The following FRMPD1 variants were observed in gnomAD, a reference collection of about 807,000 sequenced individuals.
FRMPD1 encodes FERM and PDZ domain containing 1, also known as FERM and PDZ domain-containing protein 1.
Under a neutral mutation model 117.8 loss-of-function variants are expected in FRMPD1, and 76 were observed. The observed-to-expected ratio is 0.65, with a 90% CI of 0.54 to 0.78. The LOEUF is 0.78. Ranked by LOEUF, FRMPD1 falls within the 30% of genes least tolerant of loss-of-function variation. The pLI, the probability that FRMPD1 is intolerant of heterozygous loss-of-function variation, is 0.00. For synonymous variants in FRMPD1, 783 were observed against 770.4 expected, an observed-to-expected ratio of 1.02 and a Z score of -0.27; for missense variants, 1,786 against 1,964.5, an observed-to-expected ratio of 0.91 and a Z score of 1.72.
intron 1 of FRMPD1, among the ~76,000 whole-genome samples, chr9:37,679,663 T>G (rs1821653107): frequency 6.6e-6 from 1 of 152,226 alleles, no homozygotes; most frequent in Non-Finnish European, 1.5e-5. Flanking sequence ...AGCACAGTAT[T>G]TTCAAATTTT....
chr9:37,717,383 T>TA (rs1563946703), intron 5 of FRMPD1, among the ~76,000 whole-genome samples: 25 of 65,680 alleles, frequency 3.8e-4, no homozygotes, highest in South Asian at 3.2e-3. Context: ...ATATATATAT[T>TA]TTTTTTTTTT....
chr9:37,733,309 G>A (rs546576034), intron 10 of FRMPD1, among the ~76,000 whole-genome samples, 164 bp from the exon 11 acceptor site: 1 of 152,278 alleles, frequency 6.6e-6, no homozygotes, highest in East Asian at 1.9e-4. Flanking sequence ...TTTGTGGAGA[G>A]TGTGTGTATG....
chr9:37,674,203 A>G (rs1821447942), intron 1 of FRMPD1, among the ~76,000 whole-genome samples: 1 of 152,228 alleles, frequency 6.6e-6, no homozygotes, highest in Non-Finnish European at 1.5e-5. Context: ...TTCTTCTGCC[A>G]GATAACCTAG....
chr9:37,673,807 T>C (rs1233399805), intron 1 of FRMPD1, among the ~76,000 whole-genome samples: 1 of 152,276 alleles, frequency 6.6e-6, no homozygotes. Context: ...AAGCTGTACA[T>C]TGGCCCCTTT....
chr9:37,621,237 T>A, the FRMPD1 span, among the ~76,000 whole-genome samples: 1 of 151,886 alleles, frequency 6.6e-6, no homozygotes, highest in Non-Finnish European at 1.5e-5. Context: ...AATAGATGAG[T>A]GAATTGTAAC....
intron 2 of FRMPD1, among the ~76,000 whole-genome samples, chr9:37,703,031 T>C (rs1265621448): frequency 6.6e-6 from 1 of 152,198 alleles, no homozygotes; most frequent in Non-Finnish European, 1.5e-5. Flanking sequence ...TTACTAGGCA[T>C]GGGAGACATG....
chr9:37,713,586 T>G (rs779195708), intron 5 of FRMPD1, among the ~76,000 whole-genome samples: 56 of 145,888 alleles, frequency 3.8e-4, no homozygotes, highest in Middle Eastern at 3.4e-3. Flanking sequence ...TGAGACCGTA[T>G]ATATATATAT....
At chr9:37,728,805 A>G (rs974723664) in intron 7 of FRMPD1, among the ~76,000 whole-genome samples, 5 of 151,942 alleles carry the variant, frequency 3.3e-5, no homozygotes, top group African/African-American at 9.7e-5. Flanking sequence ...TCTACTAAAA[A>G]TACAAAAATT....
At chr9:37,685,593 G>A (rs62533886) in intron 1 of FRMPD1, among the ~76,000 whole-genome samples, 146 of 152,186 alleles carry the variant, frequency 9.6e-4, no homozygotes, top group East Asian at 4.1e-3. Flanking sequence ...CGGAGATTGC[G>A]GTGAGCCGAG....
At chr9:37,657,873 C>G (rs949389004) in intron 1 of FRMPD1, among the ~76,000 whole-genome samples, 9 of 151,956 alleles carry the variant, frequency 5.9e-5, no homozygotes, top group African/African-American at 2.2e-4. Flanking sequence ...CCCAGCCTCC[C>G]TCTGCTTGGA....
chr9:37,742,318 C>T (rs1824462160), intron 15 of FRMPD1, among the ~76,000 whole-genome samples: 1 of 152,234 alleles, frequency 6.6e-6, no homozygotes, highest in African/African-American at 2.4e-5. Flanking sequence ...GGAAGTGTGG[C>T]AGAAACCATC....
upstream of FRMPD1, among the ~76,000 whole-genome samples, chr9:37,649,292 A>C (rs1385783746): frequency 6.6e-6 from 1 of 152,254 alleles, no homozygotes; most frequent in African/African-American, 2.4e-5. Flanking sequence ...TGCAATTGTT[A>C]AGAAATAATT....
intron 5 of FRMPD1, among the ~76,000 whole-genome samples, chr9:37,717,885 C>T (rs983981753): frequency 1.3e-5 from 2 of 152,128 alleles, no homozygotes; most frequent in Non-Finnish European, 2.9e-5. Flanking sequence ...TCAGCTCATT[C>T]GAAGCAATCT....
At chr9:37,645,990 T>A (rs987673017), upstream of FRMPD1, among the ~76,000 whole-genome samples, 2 of 152,146 alleles carry the variant, frequency 1.3e-5, no homozygotes, top group African/African-American at 4.8e-5. Flanking sequence ...GTGAGGCGAT[T>A]TTCCCATAGC....
At chr9:37,613,269 A>G in the FRMPD1 span, among the ~76,000 whole-genome samples, 1 of 152,160 alleles carries the variant, frequency 6.6e-6, no homozygotes, top group Non-Finnish European at 1.5e-5. Flanking sequence ...CTGAGCACCT[A>G]CTATGTATGT....
chr9:37,722,035 G>C (rs1321606491), intron 6 of FRMPD1, among the ~76,000 whole-genome samples: 1 of 152,142 alleles, frequency 6.6e-6, no homozygotes, highest in South Asian at 2.1e-4. Flanking sequence ...CACAAAGAAA[G>C]TACTAAGGAA....
At chr9:37,626,850 T>C in the FRMPD1 span, among the ~76,000 whole-genome samples, 1 of 151,958 alleles carries the variant, frequency 6.6e-6, no homozygotes, top group African/African-American at 2.4e-5. Context: ...ATCATTATCT[T>C]TGGGGTGTGG....
At chr9:37,723,551 G>A (rs111523297) in intron 6 of FRMPD1, among the ~76,000 whole-genome samples, 1,566 of 152,304 alleles carry the variant, frequency 0.01, 28 homozygotes, top group African/African-American at 0.035. Context: ...CCCAGGGGCA[G>A]GAAAGCTGTG....
At chr9:37,628,793 T>A in the FRMPD1 span, among the ~76,000 whole-genome samples, 3 of 152,348 alleles carry the variant, frequency 2.0e-5, no homozygotes, top group East Asian at 5.8e-4. Context: ...CTTCCCTTCC[T>A]GGTGCTGCAG....
Sources: gnomAD v4.1 joint callset for allele counts (sites outside exome capture counted in the v4.1 genomes callset) on GRCh38, gnomAD v4.1.1 for gene constraint, MANE v1.5 for transcripts, NCBI Gene and HGNC (gene_info 2026-07-23, HGNC 2026-07-21) for gene names.